Variants in ZNF610 observed in about 807,000 individuals in gnomAD.
The protein encoded by ZNF610 is zinc finger protein 610.
A neutral mutation model predicts 14.1 loss-of-function variants in ZNF610; 14 were observed. The ratio of observed to expected loss-of-function variants is 0.99; its 90% confidence interval spans 0.65 to 1.55. The LOEUF (loss-of-function observed/expected upper bound fraction) is 1.55. ZNF610 is among the 40% of genes most tolerant of loss of function. ZNF610 has a pLI of 0.00. For synonymous variants in ZNF610, 185 were observed against 187.6 expected, an observed-to-expected ratio of 0.99 and a Z score of 0.11; for missense variants, 530 against 558.0, an observed-to-expected ratio of 0.95 and a Z score of 0.51.
In ZNF610 at chr19:52,366,744, C is replaced by T. The variant is rs141782780; in HGVS notation, c.1366C>T (p.Leu456=). The T allele has an allele frequency of 3.7e-3, 5,907 of 1,613,352 alleles. 97 individuals are homozygous for T. In the East Asian group the frequency reaches 0.055, roughly 15 times the overall value. ...HRKIHAGENS[L]RTLQME is the part of the protein sequence containing the mutation. ...GAAAATTCATGCTGGAGAGAATTCA[C>T]TGCGTACCTTACAGATGGAATGAAT... The change falls in exon 6 of 6, where the codon CTG becomes TTG. Residue 456 remains leucine, a synonymous_variant. Coordinates refer to ENST00000403906, the MANE Select transcript of ZNF610 (RefSeq NM_001161425.2).
intron 1 of ZNF610, among the ~76,000 whole-genome samples, chr19:52,337,635 G>A (rs1432858320): frequency 2.6e-5 from 4 of 152,108 alleles, no homozygotes; most frequent in Non-Finnish European, 4.4e-5. Flanking sequence ...CAGAATGAGG[G>A]AGGGAAACAT....
At chr19:52,357,133 C>T (rs1985560516) in intron 5 of ZNF610, among the ~76,000 whole-genome samples, 1 of 152,194 alleles carries the variant, frequency 6.6e-6, no homozygotes, top group African/African-American at 2.4e-5. Flanking sequence ...CCATGGCTCC[C>T]TCTTTGGGTT....
chr19:52,337,567 A>G (rs1183982988), intron 1 of ZNF610, among the ~76,000 whole-genome samples: 3 of 152,098 alleles, frequency 2.0e-5, no homozygotes, highest in Middle Eastern at 6.8e-3. Context: ...GCCAATTCTT[A>G]TGGGAAAAAT....
In ZNF610 at chr19:52,349,194, C is replaced by T. The variant is rs767680120; in HGVS notation, c.22C>T (p.Gln8Ter). 6.8e-6 allele frequency: 11 copies of T among 1,612,642 alleles called. 1 individual carries two copies. In the South Asian group the frequency reaches 8.8e-5, roughly 13 times the overall value. MLCDEEA[Q>*]KRKAKESGMA... is the part of the protein sequence containing the mutation. Reference sequence around the variant, plus strand: ...AGTCATGCTATGTGATGAAGAAGCCCAGAAGAGGAAAGCAAAGGAGTCAGG... The same window carrying T: ...AGTCATGCTATGTGATGAAGAAGCCTAGAAGAGGAAAGCAAAGGAGTCAGG... The change falls in exon 3 of 6, where the codon CAG becomes TAG. Residue 8 changes from glutamine to a stop codon, truncating the protein, a stop_gained. Transcript: ENST00000403906. LOFTEE classifies it high-confidence loss of function.
chr19:52,354,217 C>T lies in ZNF610; in HGVS notation c.191-34C>T, dbSNP rs187605392. On this transcript the variant is annotated intron_variant, in intron 4 of 5. Coordinates refer to ENST00000403906, the MANE Select transcript of ZNF610 (RefSeq NM_001161425.2). ...ACAGGGTTTGGGTTTTGGAAATGCC[C>T]CAGCACATCTTGTTTCTTTCTTTTT... is the stretch of plus-strand genomic sequence containing the variant. The T allele has an allele frequency of 4.6e-4, 743 of 1,611,408 alleles. 3 individuals carry two copies. In the East Asian group the frequency reaches 0.015, roughly 33 times the overall value.
At chr19:52,335,072 G>C (rs1341202255), upstream of ZNF610, among the ~76,000 whole-genome samples, 3 of 151,918 alleles carry the variant, frequency 2.0e-5, no homozygotes, top group Admixed American at 6.6e-5. Flanking sequence ...GGGCGTGGGG[G>C]GGGGGTGTGG....
At chr19:52,338,858 AC>A (rs746318983) in intron 1 of ZNF610, among the ~76,000 whole-genome samples, 11 of 152,036 alleles carry the variant, frequency 7.2e-5, no homozygotes, top group Non-Finnish European at 1.5e-4. Flanking sequence ...AGAAAGAGAC[AC>A]AGAGCAAAGT....
At chr19:52,347,499 G>A (rs1985017296) in intron 1 of ZNF610, among the ~76,000 whole-genome samples, 1 of 152,148 alleles carries the variant, frequency 6.6e-6, no homozygotes, top group Non-Finnish European at 1.5e-5. Context: ...TTATGTTAGT[G>A]TAGCCTAAAT....
At chr19:52,343,876 G>C (rs1984806815) in intron 1 of ZNF610, among the ~76,000 whole-genome samples, 1 of 152,070 alleles carries the variant, frequency 6.6e-6, no homozygotes, top group African/African-American at 2.4e-5. Context: ...CGCAGCCTCT[G>C]GTCTCACAGT....
chr19:52,355,690 C>T (rs1386105703), intron 5 of ZNF610, among the ~76,000 whole-genome samples: 1 of 152,234 alleles, frequency 6.6e-6, no homozygotes, highest in African/African-American at 2.4e-5. Flanking sequence ...GCTGGGTTCC[C>T]TCGACTCCCT....
chr19:52,361,497 T>A (rs1192994853), intron 5 of ZNF610, among the ~76,000 whole-genome samples: 2 of 152,134 alleles, frequency 1.3e-5, no homozygotes, highest in East Asian at 3.9e-4. Flanking sequence ...TTTCTACAAT[T>A]CAGTTTTATT....
intron 5 of ZNF610, among the ~76,000 whole-genome samples, chr19:52,357,740 C>T (rs1231790647): frequency 6.6e-6 from 1 of 151,934 alleles, no homozygotes; most frequent in Non-Finnish European, 1.5e-5. Context: ...ACTGCTCGAG[C>T]CCAGGAGTTT....
chr19:52,347,337 A>G (rs1027266301), intron 1 of ZNF610: 1 of 152,226 alleles, frequency 6.6e-6, no homozygotes, highest in Non-Finnish European at 1.5e-5. Flanking sequence ...TATAGAATAA[A>G]GACATGAAGA....
upstream of ZNF610, among the ~76,000 whole-genome samples, chr19:52,331,933 G>A (rs1411666109): frequency 2.0e-5 from 3 of 152,192 alleles, no homozygotes; most frequent in African/African-American, 7.2e-5. Context: ...GGACAGAATT[G>A]GGTGCTTTAT....
intron 1 of ZNF610, among the ~76,000 whole-genome samples, chr19:52,340,981 T>A (rs1021894863): frequency 1.3e-5 from 2 of 152,072 alleles, no homozygotes; most frequent in African/African-American, 4.8e-5. Flanking sequence ...GCTCCTGGCC[T>A]AGGGAATTAT....
In ZNF610 at chr19:52,366,626, C is replaced by G. The variant is rs139676524; in HGVS notation, c.1248C>G (p.Thr416=). 118 of 1,613,982 alleles carry G rather than the reference C, an allele frequency of 7.3e-5. No individual in the cohort carries two copies. The highest frequency in any genetic ancestry group is 9.8e-5 in the Non-Finnish European group (116 of 1,180,034). ...DKVFGRKLYL[T]NHQRIHTGER... is the part of the protein sequence containing the mutation. ...TCTTTGGGCGCAAATTATACCTAAC[C>G]AACCATCAGAGAATTCATACTGGAG... The change falls in exon 6 of 6, where the codon ACC becomes ACG. Residue 416 remains threonine (T), a synonymous_variant. Coordinates refer to ENST00000403906, the MANE Select transcript of ZNF610 (RefSeq NM_001161425.2).
At chr19:52,333,439 C>A (rs1984254878), upstream of ZNF610, among the ~76,000 whole-genome samples, 1 of 152,176 alleles carries the variant, frequency 6.6e-6, no homozygotes, top group African/African-American at 2.4e-5. Flanking sequence ...CCAGGACCTG[C>A]ACCGCTGCCC....
chr19:52,357,100 A>G (rs1201074935), intron 5 of ZNF610, among the ~76,000 whole-genome samples: 1 of 152,214 alleles, frequency 6.6e-6, no homozygotes, highest in Non-Finnish European at 1.5e-5. Context: ...CTTTCGACCA[A>G]CTGGCTTCAA....
upstream of ZNF610, among the ~76,000 whole-genome samples, chr19:52,334,936 AACAC>A (rs559202600): frequency 2.4e-5 from 1 of 41,526 alleles, no homozygotes; most frequent in East Asian, 4.6e-4. Flanking sequence ...CTCAAAAACA[AACAC>A]ACACACACAC....
Sources: gnomAD v4.1 joint callset for allele counts (sites outside exome capture counted in the v4.1 genomes callset) on GRCh38, gnomAD v4.1.1 for gene constraint, MANE v1.5 for transcripts, NCBI Gene and HGNC (gene_info 2026-07-23, HGNC 2026-07-21) for gene names.